Variants in PDE1C observed in about 807,000 individuals in gnomAD.
The protein encoded by PDE1C is dual specificity calcium/calmodulin-dependent 3',5'-cyclic nucleotide phosphodiesterase 1C.
A neutral mutation model predicts 93.1 loss-of-function variants in PDE1C; 62 were observed. The observed-to-expected ratio is 0.67, with a 90% CI of 0.54 to 0.82. The LOEUF (loss-of-function observed/expected upper bound fraction) is 0.82. Among genes scored for constraint, PDE1C ranks in the 40% least tolerant of loss-of-function variants. The pLI is 0.00. For synonymous variants in PDE1C, 325 were observed against 310.1 expected (o/e 1.05, Z -0.50); for missense variants, 742 against 884.6 (o/e 0.84, Z 2.04).
chr7:31,871,556 G>C (rs2128859791), intron 6 of PDE1C, among the ~76,000 whole-genome samples: 1 of 152,052 alleles, frequency 6.6e-6, no homozygotes, highest in Non-Finnish European at 1.5e-5. Flanking sequence ...CAAAGATATA[G>C]ACATTTCTCA....
intron 2 of PDE1C, among the ~76,000 whole-genome samples, chr7:32,205,812 T>G (rs992325972): frequency 1.1e-4 from 17 of 152,274 alleles, no homozygotes; most frequent in Non-Finnish European, 1.3e-4. Context: ...TTAAGAGCTG[T>G]AACAGTCATT....
intron 3 of PDE1C, among the ~76,000 whole-genome samples, chr7:32,119,499 A>C (rs963911108): frequency 2.0e-5 from 3 of 152,202 alleles, no homozygotes; most frequent in African/African-American, 7.2e-5. Flanking sequence ...AAACATAATG[A>C]GAGATGACCG....
chr7:31,865,703 A>T (rs1238344372), intron 6 of PDE1C, among the ~76,000 whole-genome samples: 1 of 152,118 alleles, frequency 6.6e-6, no homozygotes, highest in Non-Finnish European at 1.5e-5. Flanking sequence ...TATATAACAG[A>T]CTATCGCATT....
At chr7:32,320,355 T>TGTGGGAGGA (rs1783264379) in intron 1 of PDE1C, among the ~76,000 whole-genome samples, 1 of 152,030 alleles carries the variant, frequency 6.6e-6, no homozygotes, top group Admixed American at 6.6e-5. Flanking sequence ...CACTGGGGCC[T>TGTGGGAGGA]GTGGGAGGAG....
At chr7:32,037,456 CA>C (rs1791258519) in intron 2 of PDE1C, among the ~76,000 whole-genome samples, 1 of 152,096 alleles carries the variant, frequency 6.6e-6, no homozygotes, top group Admixed American at 6.6e-5. Flanking sequence ...GACTGGGACT[CA>C]GATAACAAAA....
intron 2 of PDE1C, among the ~76,000 whole-genome samples, chr7:31,943,359 C>A (rs542084743): frequency 2.3e-4 from 35 of 152,314 alleles, no homozygotes; most frequent in African/African-American, 8.2e-4. Flanking sequence ...GCTCACCAGA[C>A]ACCTGGGGGC....
intron 1 of PDE1C, among the ~76,000 whole-genome samples, chr7:32,221,004 C>T (rs1258862895): frequency 6.6e-6 from 1 of 152,102 alleles, no homozygotes; most frequent in Non-Finnish European, 1.5e-5. Context: ...CGTAATGATG[C>T]CATCCTTCCA....
At chr7:32,136,730 G>C (rs1800232099) in intron 3 of PDE1C, among the ~76,000 whole-genome samples, 1 of 152,288 alleles carries the variant, frequency 6.6e-6, no homozygotes, top group South Asian at 2.1e-4. Flanking sequence ...AAATGTTGGT[G>C]CATGTTGAGA....
intron 2 of PDE1C, among the ~76,000 whole-genome samples, chr7:32,190,868 G>C (rs1306629491): frequency 1.3e-5 from 2 of 152,160 alleles, no homozygotes; most frequent in Non-Finnish European, 2.9e-5. Flanking sequence ...GTCAGGCCAG[G>C]CTTTGTAGAA....
rs75173878 is a variant in PDE1C, at chr7:31,755,634, T to C, written c.1961-2081A>G. Among the ~76,000 whole-genome samples the C allele has an allele frequency of 1.7e-3, 253 of 152,120 alleles. 7 individuals are homozygous for C. In the East Asian group the frequency reaches 0.043, roughly 26 times the overall value. On this transcript the variant is annotated intron_variant, in intron 17 of 17. Transcript: ENST00000396191. ...CAACAATAGACAAAGGAGCCCTGAA[T>C]GAAAGATCTACTGAATGATCAAAAT...
intron 3 of PDE1C, among the ~76,000 whole-genome samples, chr7:32,133,151 A>G (rs1375987562): frequency 1.3e-5 from 2 of 152,176 alleles, no homozygotes; most frequent in Non-Finnish European, 2.9e-5. Context: ...CAAAGTAAAG[A>G]TATAAATTTG....
the PDE1C span, among the ~76,000 whole-genome samples, chr7:31,625,518 A>C: frequency 3.3e-5 from 5 of 152,232 alleles, no homozygotes; most frequent in African/African-American, 9.6e-5. Flanking sequence ...AAACTATTGC[A>C]AGAACAAAAA....
At chr7:31,668,890 G>A in the PDE1C span, among the ~76,000 whole-genome samples, 10 of 152,124 alleles carry the variant, frequency 6.6e-5, no homozygotes, top group South Asian at 8.3e-4. Flanking sequence ...GAGGGGCAAG[G>A]AGTTTCCAGA....
intron 3 of PDE1C, among the ~76,000 whole-genome samples, chr7:32,150,549 C>A (rs1036695828): frequency 6.6e-6 from 1 of 152,208 alleles, no homozygotes; most frequent in Non-Finnish European, 1.5e-5. Context: ...ACCATTAAAA[C>A]TCACCTGAGA....
At chr7:32,363,053 G>C (rs890570070) in intron 1 of PDE1C, among the ~76,000 whole-genome samples, 5 of 152,194 alleles carry the variant, frequency 3.3e-5, no homozygotes, top group Non-Finnish European at 7.3e-5. Flanking sequence ...CATTCACTGT[G>C]TGCCAAGCAC....
chr7:32,149,611 T>A (rs1801113690), intron 3 of PDE1C, among the ~76,000 whole-genome samples: 1 of 152,254 alleles, frequency 6.6e-6, no homozygotes, highest in Non-Finnish European at 1.5e-5. Context: ...GGAACATTTA[T>A]AATTTTTTTA....
At chr7:31,698,868 C>T in the PDE1C span, among the ~76,000 whole-genome samples, 1 of 152,124 alleles carries the variant, frequency 6.6e-6, no homozygotes, top group African/African-American at 2.4e-5. Flanking sequence ...GTGGGTGTGT[C>T]ATGGGGGTAA....
chr7:32,356,838 T>C (rs1784039475), intron 1 of PDE1C, among the ~76,000 whole-genome samples: 1 of 152,218 alleles, frequency 6.6e-6, no homozygotes, highest in East Asian at 1.9e-4. Context: ...ATAAGTGTAT[T>C]CCAGGCTGAT....
At chr7:32,190,604 C>A (rs1282709818) in intron 2 of PDE1C, among the ~76,000 whole-genome samples, 2 of 152,172 alleles carry the variant, frequency 1.3e-5, no homozygotes. Context: ...GATTTTCCCT[C>A]CTGGTTTGGA....
Sources: gnomAD v4.1 joint callset for allele counts (sites outside exome capture counted in the v4.1 genomes callset) on GRCh38, gnomAD v4.1.1 for gene constraint, MANE v1.5 for transcripts, NCBI Gene and HGNC (gene_info 2026-07-23, HGNC 2026-07-21) for gene names.